Variants in SARDH observed in about 807,000 individuals in gnomAD.
SARDH encodes sarcosine dehydrogenase, also known as sarcosine dehydrogenase, mitochondrial.
A neutral mutation model predicts 109.1 loss-of-function variants in SARDH; 95 were observed. The ratio of observed to expected loss-of-function variants is 0.87; its 90% CI spans 0.74 to 1.03. The LOEUF (loss-of-function observed/expected upper bound fraction) is 1.03, where lower values mean the gene tolerates loss of function less well. Ranked by LOEUF, SARDH falls within the 50% of genes least tolerant of loss-of-function variation. The pLI is 0.00. For missense variants in SARDH, 1,267 were observed against 1,287.8 expected (o/e 0.98, Z 0.25); for synonymous variants, 572 against 534.8 (o/e 1.07, Z -0.96).
At chr9:133,679,554 C>G (rs776155287) in intron 17 of SARDH, among the ~76,000 whole-genome samples, 1 of 152,238 alleles carries the variant, frequency 6.6e-6, no homozygotes, top group Non-Finnish European at 1.5e-5. Flanking sequence ...CTGGGAACAC[C>G]GTGTCTGGCC....
At chr9:133,678,874 C>T (rs1239219083) in intron 17 of SARDH, among the ~76,000 whole-genome samples, 1 of 152,250 alleles carries the variant, frequency 6.6e-6, no homozygotes, top group Non-Finnish European at 1.5e-5. Flanking sequence ...TGTTACAGGG[C>T]TGTCTCCCAT....
chr9:133,712,886 C>G lies in SARDH; in HGVS notation c.1237+152G>C, dbSNP rs548978013. 5.2e-6 allele frequency: 5 copies of G among 955,972 alleles called. No individual in the cohort carries two copies. In the Admixed American group the frequency reaches 1.1e-4, roughly 20 times the overall value. 59.2% of individuals were successfully genotyped at this position (955,972 alleles called of 1,614,324 possible). ...TGGACTGGACCCTGGCACAGGTGCACTCTCTGGGAAGCAGAAGGGGCTGGA... is the reference window on the plus strand; with the variant it reads ...TGGACTGGACCCTGGCACAGGTGCAGTCTCTGGGAAGCAGAAGGGGCTGGA... On this transcript the variant is annotated intron_variant, in intron 9 of 20. Transcript: ENST00000439388. This position sits in a 1 kb window ranked among gnomAD's most constrained non-coding sequence, Gnocchi z 4.1.
intron 16 of SARDH, among the ~76,000 whole-genome samples, chr9:133,689,214 C>G (rs1335826582): frequency 6.6e-6 from 1 of 151,386 alleles, no homozygotes; most frequent in East Asian, 1.9e-4. Context: ...CTCTCCTTTC[C>G]CATCCTCTCC....
chr9:133,661,172 T>C (rs1490642594), downstream of SARDH, among the ~76,000 whole-genome samples: 2 of 152,066 alleles, frequency 1.3e-5, no homozygotes, highest in Non-Finnish European at 2.9e-5. Context: ...AAACCCCGTC[T>C]CTACTAAAAA....
At chr9:133,711,768 G>A (rs562061879) in intron 10 of SARDH, among the ~76,000 whole-genome samples, 1 of 152,210 alleles carries the variant, frequency 6.6e-6, no homozygotes, top group East Asian at 1.9e-4. Flanking sequence ...GCCGGGAGCA[G>A]AGTGGGCTGG....
intron 17 of SARDH, among the ~76,000 whole-genome samples, chr9:133,682,208 G>A (rs1234571027): frequency 6.6e-6 from 1 of 152,168 alleles, no homozygotes; most frequent in Non-Finnish European, 1.5e-5. Context: ...TGAAACACAT[G>A]AGCAGGGCAC....
At chr9:133,699,790 C>T (rs1332813451) in intron 13 of SARDH, among the ~76,000 whole-genome samples, 1 of 152,178 alleles carries the variant, frequency 6.6e-6, no homozygotes, top group Non-Finnish European at 1.5e-5. Flanking sequence ...TAATGTGGTA[C>T]AGTTACTTTG....
At chr9:133,703,256 C>T in intron 12 of SARDH, 1 of 555,282 alleles carries the variant, frequency 1.8e-6, no homozygotes, top group Non-Finnish European at 3.2e-6. Context: ...GGTCTGAGAG[C>T]CCAGCCAGGG....
chr9:133,685,235 G>A lies in SARDH; in HGVS notation c.2121C>T (p.Phe707=). The change falls in exon 17 of 21, where the codon TTC becomes TTT. Residue 707 remains phenylalanine, a synonymous_variant. Coordinates refer to ENST00000439388, the MANE Select transcript of SARDH (RefSeq NM_001134707.2). ...TCAGTAGCTTGTGGGTGGAGAACGG[G>A]AAGGCCTCGTTGCTCAGGTCTGCGT... ...VLDADLSNEA[F]PFSTHKLLRA... is the part of the protein sequence containing the mutation. 2 of 1,613,998 alleles carry A rather than the reference G, an allele frequency of 1.2e-6. No individual in the cohort carries two copies. The highest frequency in any genetic ancestry group is 1.7e-6 in the Non-Finnish European group (2 of 1,179,950).
In SARDH at chr9:133,713,030, G is replaced by C. The variant is rs774569402; in HGVS notation, c.1237+8C>G. 6.8e-6 allele frequency: 11 copies of C among 1,607,698 alleles called. No individual in the cohort carries two copies. The African/African-American group carries it at 9.3e-5, about 14-fold the overall frequency. On this transcript the variant is annotated splice_region_variant and intron_variant, in intron 9 of 20. Coordinates refer to ENST00000439388, the MANE Select transcript of SARDH (RefSeq NM_001134707.2). ...TTGGGGGCCAGGAGGGCTGCTGCCC[G>C]GACTCACCTGCGCTGTTGAAGCCAC... is the stretch of plus-strand genomic sequence containing the variant.
At chr9:133,710,724 C>G (rs565055601) in intron 10 of SARDH, among the ~76,000 whole-genome samples, 6 of 152,404 alleles carry the variant, frequency 3.9e-5, no homozygotes, top group Admixed American at 3.9e-4. Flanking sequence ...CGGGCGCAGG[C>G]CCGAGGTGGC....
At chr9:133,678,839 G>A (rs1280921709) in intron 17 of SARDH, among the ~76,000 whole-genome samples, 1 of 152,210 alleles carries the variant, frequency 6.6e-6, no homozygotes, top group African/African-American at 2.4e-5. Context: ...TATCTGGTGT[G>A]CTTTTCTCTT....
In SARDH at chr9:133,718,976, C is replaced by G. The variant is rs768245942; in HGVS notation, c.982G>C (p.Val328Leu). The G allele has an allele frequency of 6.2e-7, 1 of 1,614,194 alleles. No individual in the cohort carries two copies. Among genetic ancestry groups the G allele is most frequent in the Non-Finnish European group, 8.5e-7 (1 of 1,180,034 alleles). The stretch of plus-strand genomic sequence containing the variant: ...ATGGGGTTGGCCTCATAGCCACCCA[C>G]AGACAAGGCATCCCCTTGGAGGCGG... Reference protein sequence around the residue: ...YLRLQGDALSVGGYEANPIFW... With the variant: ...YLRLQGDALSLGGYEANPIFW... The change falls in exon 7 of 21, where the codon GTG becomes CTG. Residue 328 changes from valine (V) to leucine (L), a missense_variant. Coordinates refer to ENST00000439388, the MANE Select transcript of SARDH (RefSeq NM_001134707.2). This position sits in a 1 kb window ranked among gnomAD's most constrained non-coding sequence, Gnocchi z 4.2.
chr9:133,702,670 T>C (rs2131414693), intron 13 of SARDH, among the ~76,000 whole-genome samples: 1 of 152,136 alleles, frequency 6.6e-6, no homozygotes, highest in Middle Eastern at 3.4e-3. Flanking sequence ...CCTCACCCCA[T>C]CCCCAGCAGC....
rs962261508 is a variant in SARDH, at chr9:133,706,024, C to A, written c.1471-993G>T. 6.6e-5 allele frequency among the ~76,000 whole-genome samples: 10 copies of A among 152,360 alleles called. No homozygotes were observed. In the East Asian group the frequency reaches 1.9e-3, roughly 29 times the overall value. ...CCAGAAATGTGGGGAAAAAAAAGTTCTGCTGAAACCTCTCCACTTGTGGCC... is the reference window on the plus strand; with the variant it reads ...CCAGAAATGTGGGGAAAAAAAAGTTATGCTGAAACCTCTCCACTTGTGGCC... On this transcript the variant is annotated intron_variant, in intron 11 of 20. Transcript: ENST00000439388.
At chr9:133,730,383 G>A (rs1444681857) in intron 4 of SARDH, among the ~76,000 whole-genome samples, 196 bp from the exon 5 acceptor site, 1 of 151,790 alleles carries the variant, frequency 6.6e-6, no homozygotes, top group Non-Finnish European at 1.5e-5. Flanking sequence ...CCTTGACTTG[G>A]AGAACTTGAA....
At chr9:133,661,339 CAA>C (rs748291485), downstream of SARDH, among the ~76,000 whole-genome samples, 1 of 140,184 alleles carries the variant, frequency 7.1e-6, no homozygotes, top group Admixed American at 7.1e-5. Context: ...AACCCTGTCT[CAA>C]AAAAAAAACA....
At chr9:133,694,411 C>G (rs1266735584) in intron 14 of SARDH, 40 bp from the exon 15 acceptor site, 1 of 1,494,660 alleles carries the variant, frequency 6.7e-7, no homozygotes, top group South Asian at 1.2e-5. Context: ...TGCTGAGGCC[C>G]CAGCCGGGTC....
chr9:133,708,649 G>A lies in SARDH; in HGVS notation c.1329-221C>T, dbSNP rs373450533. On this transcript the variant is annotated intron_variant, in intron 10 of 20. Transcript: ENST00000439388. The stretch of plus-strand genomic sequence containing the variant: ...CCCCAGTGGCCCTCAGTGAGTGGGC[G>A]TTGTGGACAGAGGGCCCAGCTGAGG... Among the ~76,000 whole-genome samples the A allele has an allele frequency of 6.6e-5, 10 of 152,250 alleles. No homozygotes were observed. In the East Asian group the frequency reaches 1.2e-3, roughly 18 times the overall value.
Sources: gnomAD v4.1 joint callset for allele counts (sites outside exome capture counted in the v4.1 genomes callset) on GRCh38, gnomAD v4.1.1 for gene constraint, Gnocchi (gnomAD v3.1) non-coding constraint, MANE v1.5 for transcripts, NCBI Gene and HGNC (gene_info 2026-07-23, HGNC 2026-07-21) for gene names.